The following NRG1 variants were observed in gnomAD, a reference collection of about 807,000 sequenced individuals.
NRG1 encodes neuregulin 1.
A neutral mutation model predicts 63.8 loss-of-function variants in NRG1; 18 were observed. That is an observed-to-expected ratio of 0.28 (90% confidence interval 0.19 to 0.42). The LOEUF (loss-of-function observed/expected upper bound fraction) is 0.42. NRG1 is among the 10% of genes least tolerant of loss of function. The probability of loss-of-function intolerance (pLI) is 1.00; values close to 1 mark genes in which losing one functional copy is unlikely to be tolerated. For synonymous variants in NRG1, 302 were observed against 301.3 expected, an observed-to-expected ratio of 1.00 and a Z score of -0.02; for missense variants, 762 against 814.7, an observed-to-expected ratio of 0.94 and a Z score of 0.79.
chr8:32,712,218 A>T lies in NRG1; in HGVS notation c.503-15731A>T, dbSNP rs375902665. 1.6e-3 allele frequency among the ~76,000 whole-genome samples: 243 copies of T among 152,308 alleles called. 1 individual carries two copies. The highest frequency in any genetic ancestry group is 5.6e-3 in the African/African-American group (232 of 41,576). On this transcript the variant is annotated intron_variant, in intron 5 of 11. Coordinates refer to ENST00000356819, the Ensembl canonical transcript of NRG1. ...ATGCTTCTGGGACAGAAAAGTATTT[A>T]TCACAGGTAATGATGATAATCCAGT...
At chr8:31,696,246 T>C (rs919049056) in intron 1 of NRG1, among the ~76,000 whole-genome samples, 3 of 152,192 alleles carry the variant, frequency 2.0e-5, no homozygotes, top group Non-Finnish European at 4.4e-5. Context: ...TTTGCATTTT[T>C]AATAGAGACA....
chr8:32,028,879 A>G (rs1453662552), intron 1 of NRG1, among the ~76,000 whole-genome samples: 1 of 146,692 alleles, frequency 6.8e-6, no homozygotes, highest in Non-Finnish European at 1.5e-5. Flanking sequence ...CTTCCTATTC[A>G]TAGTGAAATG....
intron 6 of NRG1, among the ~76,000 whole-genome samples, chr8:32,732,799 CTTTTT>C (rs1173388613): frequency 1.1e-4 from 9 of 83,362 alleles, no homozygotes; most frequent in Admixed American, 3.5e-4. Flanking sequence ...TGTTTAATTT[CTTTTT>C]TTTTTTTTTT....
chr8:32,177,142 G>A (rs1397934172), intron 1 of NRG1, among the ~76,000 whole-genome samples: 1 of 152,100 alleles, frequency 6.6e-6, no homozygotes, highest in East Asian at 1.9e-4. Flanking sequence ...GGAATACTAT[G>A]CAGCCATAAA....
intron 1 of NRG1, among the ~76,000 whole-genome samples, chr8:32,503,065 C>T (rs576343805): frequency 7.9e-5 from 12 of 151,942 alleles, no homozygotes; most frequent in Admixed American, 7.2e-4. Context: ...ATGGGCGGAT[C>T]ATGAGGTCAG....
chr8:31,916,218 T>TTTA (rs895667633), intron 1 of NRG1, among the ~76,000 whole-genome samples: 2 of 152,176 alleles, frequency 1.3e-5, no homozygotes, highest in African/African-American at 4.8e-5. Context: ...TTTCTTTTTT[T>TTTA]TTATTATTAT....
intron 1 of NRG1, among the ~76,000 whole-genome samples, chr8:31,752,351 G>T (rs1357678930): frequency 6.6e-6 from 1 of 152,038 alleles, no homozygotes; most frequent in African/African-American, 2.4e-5. Flanking sequence ...GATTTTAGGT[G>T]TGATGAGAAT....
intron 1 of NRG1, among the ~76,000 whole-genome samples, chr8:32,521,837 T>C (rs1830373923): frequency 6.6e-6 from 1 of 152,234 alleles, no homozygotes; most frequent in South Asian, 2.1e-4. Flanking sequence ...TGGATGTGCC[T>C]AACTAAAATT....
Position 32,449,559 on chromosome 8 carries a change from A to T in NRG1, c.38-146269A>T, listed in dbSNP as rs187198916. 1.7e-3 allele frequency among the ~76,000 whole-genome samples: 260 copies of T among 152,232 alleles called. 1 individual carries two copies. The highest frequency in any genetic ancestry group is 2.1e-3 in the Non-Finnish European group (141 of 68,002). ...ACTTTGTTGGACCTAAGCATAGGAA[A>T]ATTCATTCATTCATTCATTCATTGA... On this transcript the variant is annotated intron_variant, in intron 1 of 10. Coordinates refer to the NRG1 transcript ENST00000519301.
intron 1 of NRG1, among the ~76,000 whole-genome samples, chr8:31,976,300 A>G (rs1808162107): frequency 6.6e-6 from 1 of 152,118 alleles, no homozygotes; most frequent in East Asian, 1.9e-4. Context: ...TGTTTCCCCT[A>G]CTATCTACCT....
chr8:32,771,084 T>A (rs549770588), downstream of NRG1, among the ~76,000 whole-genome samples: 5 of 152,200 alleles, frequency 3.3e-5, no homozygotes, highest in South Asian at 8.3e-4. Flanking sequence ...TTTAACTTTG[T>A]AGCTTTGATA....
chr8:32,771,876 A>G (rs1418618320), downstream of NRG1, among the ~76,000 whole-genome samples: 2 of 147,232 alleles, frequency 1.4e-5, no homozygotes, highest in African/African-American at 4.9e-5. Context: ...TACAAAAATT[A>G]GCCGGGCGTG....
intron 5 of NRG1, chr8:32,647,945 C>G (rs1267510508): frequency 6.2e-7 from 1 of 1,614,054 alleles, no homozygotes; most frequent in Non-Finnish European, 8.5e-7. Context: ...CAGAGAAAAT[C>G]TGCATTGTCC....
intron 1 of NRG1, among the ~76,000 whole-genome samples, chr8:31,913,934 G>T (rs1833155824): frequency 6.6e-6 from 1 of 152,148 alleles, no homozygotes; most frequent in Non-Finnish European, 1.5e-5. Flanking sequence ...AAATGGAAAA[G>T]AATCTACAGG....
At chr8:32,622,130 G>A (rs1020618690) in intron 5 of NRG1, among the ~76,000 whole-genome samples, 6 of 152,066 alleles carry the variant, frequency 3.9e-5, no homozygotes, top group Non-Finnish European at 5.9e-5. Flanking sequence ...GAGGACAATC[G>A]CGGTGGCTCA....
chr8:32,318,007 A>G (rs1800964247), intron 1 of NRG1, among the ~76,000 whole-genome samples: 1 of 152,206 alleles, frequency 6.6e-6, no homozygotes, highest in South Asian at 2.1e-4. Context: ...GAGAAAAAAA[A>G]TGAGTACAGA....
intron 1 of NRG1, among the ~76,000 whole-genome samples, chr8:32,463,016 A>ATT (rs879910201): frequency 7.3e-6 from 1 of 137,060 alleles, no homozygotes; most frequent in Non-Finnish European, 1.6e-5. Flanking sequence ...TATGTATTTG[A>ATT]TTTTTTTTTT....
intron 1 of NRG1, among the ~76,000 whole-genome samples, chr8:32,382,018 A>G (rs959425875): frequency 1.2e-4 from 18 of 152,218 alleles, no homozygotes; most frequent in Non-Finnish European, 2.5e-4. Flanking sequence ...TATGAATAGC[A>G]TGAATGAGAT....
At chr8:31,901,620 A>G (rs187212922) in intron 1 of NRG1, among the ~76,000 whole-genome samples, 9 of 152,322 alleles carry the variant, frequency 5.9e-5, no homozygotes, top group Admixed American at 1.3e-4. Context: ...GCCCCTTTGG[A>G]TCATGAATTG....
Sources: allele counts gnomAD v4.1 joint callset (sites outside exome capture counted in the v4.1 genomes callset), GRCh38; gene constraint gnomAD v4.1.1; transcripts MANE v1.5; gene names NCBI Gene and HGNC (gene_info 2026-07-23, HGNC 2026-07-21).